The following CSMD2 variants were observed in gnomAD, a reference collection of about 807,000 sequenced individuals.
CSMD2 encodes CUB and Sushi multiple domains 2, also known as CUB and sushi domain-containing protein 2.
Under a neutral mutation model 398.5 loss-of-function variants are expected in CSMD2, and 130 were observed. That is an observed-to-expected ratio of 0.33 (90% CI 0.28 to 0.38). CSMD2 has a LOEUF of 0.38. Ranked by LOEUF, CSMD2 falls within the 10% of genes least tolerant of loss-of-function variation. The probability of loss-of-function intolerance (pLI) is 1.00; values close to 1 mark genes in which losing one functional copy is unlikely to be tolerated. For synonymous variants in CSMD2, 1,828 were observed against 1,908.5 expected (o/e 0.96, Z 1.10); for missense variants, 3,829 against 4,764.9 (o/e 0.80, Z 5.78).
intron 5 of CSMD2, chr1:33,860,734 T>C (rs962780664): frequency 6.6e-6 from 1 of 152,216 alleles, no homozygotes; most frequent in Admixed American, 6.5e-5. Flanking sequence ...TGAACTTATA[T>C]GTGTCTGGCT....
At chr1:34,138,964 C>T (rs1049292278) in intron 1 of CSMD2, among the ~76,000 whole-genome samples, 9 of 152,036 alleles carry the variant, frequency 5.9e-5, no homozygotes, top group Admixed American at 5.2e-4. Context: ...TCCATCACCC[C>T]CCATCCTCAC....
Position 33,772,707 on chromosome 1 carries a change from C to A in CSMD2, c.1708G>T (p.Gly570Cys). Residue 570 changes from glycine to cysteine, a missense_variant, in exon 13 of 71, where the codon GGC becomes TGC. Around this residue, in one of 5 missense-constraint regions of CSMD2, gnomAD observed 2,001 missense variants for 2,567.1 expected, o/e 0.78. Transcript: ENST00000373381. The part of the protein sequence containing the change: ...SCGDPGIPAY[G>C]RREGSRFHHG... The stretch of plus-strand genomic sequence containing the variant: ...TGAAACCGGGAGCCTTCCCTCCGGC[C>A]ATATGCAGGTATGCCAGGGTCACCG... The A allele has an allele frequency of 6.2e-7, 1 of 1,614,122 alleles. No individual in the cohort carries two copies. The highest frequency in any genetic ancestry group is 8.5e-7 in the Non-Finnish European group (1 of 1,179,978).
chr1:33,750,352 T>C (rs1340841010), intron 13 of CSMD2, among the ~76,000 whole-genome samples: 1 of 152,188 alleles, frequency 6.6e-6, no homozygotes, highest in Admixed American at 6.5e-5. Context: ...TTCCTGTATC[T>C]CAACTCATTA....
chr1:33,640,719 G>A (rs1041319781), intron 29 of CSMD2, among the ~76,000 whole-genome samples: 1 of 152,196 alleles, frequency 6.6e-6, no homozygotes, highest in Non-Finnish European at 1.5e-5. Context: ...TTGGGGGCAT[G>A]CTAAGTCTTT....
intron 25 of CSMD2, among the ~76,000 whole-genome samples, chr1:33,678,605 T>C (rs1571196868): frequency 6.6e-6 from 1 of 152,182 alleles, no homozygotes; most frequent in South Asian, 2.1e-4. Context: ...CAGCTGCAAT[T>C]ATCCTTGGTG....
chr1:33,646,530 G>C, intron 29 of CSMD2, 118 bp downstream of exon 29: 1 of 1,083,088 alleles, frequency 9.2e-7, no homozygotes, highest in Non-Finnish European at 1.4e-6. Flanking sequence ...AGCAGTGCTA[G>C]GGTTGGTGTG....
chr1:33,684,203 T>C (rs1644993552), intron 25 of CSMD2, among the ~76,000 whole-genome samples: 1 of 152,160 alleles, frequency 6.6e-6, no homozygotes, highest in Non-Finnish European at 1.5e-5. Flanking sequence ...TGGGCAGGGG[T>C]CCTGGTTAAT....
At chr1:33,937,254 C>T (rs551494241) in intron 3 of CSMD2, among the ~76,000 whole-genome samples, 51 of 152,260 alleles carry the variant, frequency 3.3e-4, no homozygotes, top group Non-Finnish European at 6.2e-4. Context: ...TATGATGGGA[C>T]AGGAACAGGT....
intron 2 of CSMD2, 79 bp from the exon 3 acceptor site, chr1:34,032,785 G>A: frequency 2.1e-6 from 2 of 949,548 alleles, no homozygotes; most frequent in Non-Finnish European, 3.3e-6. Flanking sequence ...TTGAGTGCCT[G>A]CTGGATACAC....
intron 25 of CSMD2, among the ~76,000 whole-genome samples, chr1:33,676,000 T>C (rs114385623): frequency 0.14 from 20,934 of 152,206 alleles, 1,515 homozygotes; most frequent in South Asian, 0.22. Flanking sequence ...AAAGCCAATG[T>C]CATACTGAAT....
intron 1 of CSMD2, among the ~76,000 whole-genome samples, chr1:34,140,512 G>C (rs1389220497): frequency 2.0e-5 from 3 of 152,140 alleles, no homozygotes; most frequent in Non-Finnish European, 2.9e-5. Flanking sequence ...ACTGTGTTTA[G>C]CAGGTCCCAT....
At chr1:33,698,158 C>T (rs1485933020) in intron 24 of CSMD2, among the ~76,000 whole-genome samples, 2 of 152,186 alleles carry the variant, frequency 1.3e-5, no homozygotes, top group African/African-American at 4.8e-5. Context: ...TGTCTCTTGT[C>T]CTGTGACACA....
chr1:33,903,085 G>C (rs1443315877), intron 5 of CSMD2, among the ~76,000 whole-genome samples: 2 of 152,198 alleles, frequency 1.3e-5, no homozygotes, highest in Non-Finnish European at 2.9e-5. Flanking sequence ...ACAGGCATTT[G>C]CTTAGCAAAT....
intron 44 of CSMD2, among the ~76,000 whole-genome samples, chr1:33,590,294 ATTTTTTTTTTT>A (rs56252015): frequency 1.2e-4 from 9 of 73,866 alleles, no homozygotes; most frequent in Non-Finnish European, 2.0e-4. Flanking sequence ...GCTAATTAAA[ATTTTTTTTTTT>A]TTTTTTTTTT....
At chr1:33,783,522 AAGGTAGCTGTCTACAAGCCACG>A (rs2149356813) in intron 12 of CSMD2, among the ~76,000 whole-genome samples, 1 of 150,840 alleles carries the variant, frequency 6.6e-6, no homozygotes, top group East Asian at 2.0e-4. Flanking sequence ...CCATGGTGAG[AAGGTAGCTGTCTACAAGCCACG>A]AAGAAAGCCC....
At chr1:33,888,878 C>CT (rs1383907296) in intron 5 of CSMD2, among the ~76,000 whole-genome samples, 1 of 152,088 alleles carries the variant, frequency 6.6e-6, no homozygotes, top group African/African-American at 2.4e-5. Context: ...TGCCATTCTC[C>CT]TGCCTCAGCC....
intron 7 of CSMD2, among the ~76,000 whole-genome samples, chr1:33,824,908 A>G (rs1658608260): frequency 6.6e-6 from 1 of 152,058 alleles, no homozygotes. Context: ...GCCCAGAAGG[A>G]AAGTGGAAGG....
chr1:33,696,241 G>A (rs1047369523), intron 24 of CSMD2, among the ~76,000 whole-genome samples: 1 of 152,212 alleles, frequency 6.6e-6, no homozygotes, highest in Non-Finnish European at 1.5e-5. Flanking sequence ...AAAAGGAATA[G>A]TTGATTAGGC....
intron 15 of CSMD2, among the ~76,000 whole-genome samples, chr1:33,728,485 GCT>G (rs890040756): frequency 8.5e-5 from 13 of 152,126 alleles, no homozygotes; most frequent in African/African-American, 3.1e-4. Flanking sequence ...TATGCTAATT[GCT>G]ACACATGTGT....
Sources: gnomAD v4.1 joint callset for allele counts (sites outside exome capture counted in the v4.1 genomes callset) on GRCh38, gnomAD v4.1.1 for gene constraint, gnomAD v4.1.1 regional missense constraint, MANE v1.5 for transcripts, NCBI Gene and HGNC (gene_info 2026-07-23, HGNC 2026-07-21) for gene names.